UACA: variants seen among roughly 807,000 people sequenced by gnomAD.
UACA encodes nuclear membrane binding protein.
UACA carries 112 observed loss-of-function variants against 160.5 expected under a neutral mutation model. The ratio of observed to expected loss-of-function variants is 0.70; its 90% CI spans 0.60 to 0.82. The LOEUF (loss-of-function observed/expected upper bound fraction) is 0.82, where lower values mean the gene tolerates loss of function less well. Ranked by LOEUF, UACA falls within the 40% of genes least tolerant of loss-of-function variation. The pLI is 0.00. For synonymous variants in UACA, 557 were observed against 568.4 expected, an observed-to-expected ratio of 0.98 and a Z score of 0.29; for missense variants, 1,574 against 1,614.6, an observed-to-expected ratio of 0.97 and a Z score of 0.43.
At chr15:70,741,475 T>C (rs1457152695) in intron 1 of UACA, among the ~76,000 whole-genome samples, 1 of 152,178 alleles carries the variant, frequency 6.6e-6, no homozygotes, top group Non-Finnish European at 1.5e-5. Context: ...ACAACTGGGA[T>C]ACTTGCCAAA....
At chr15:70,682,028 C>G (rs1897526377) in intron 9 of UACA, 1 of 152,162 alleles carries the variant, frequency 6.6e-6, no homozygotes, top group Non-Finnish European at 1.5e-5. Flanking sequence ...AAGCTGAAAG[C>G]CTGGAAGGGA....
the UACA span, among the ~76,000 whole-genome samples, chr15:70,768,759 CTT>C: frequency 2.6e-5 from 4 of 152,294 alleles, no homozygotes; most frequent in African/African-American, 7.2e-5. Context: ...AGCCGAAAAA[CTT>C]TCAAAACTTC....
the UACA span, among the ~76,000 whole-genome samples, chr15:70,773,367 A>C: frequency 2.0e-5 from 3 of 152,362 alleles, no homozygotes; most frequent in East Asian, 5.8e-4. Flanking sequence ...GTTCTGAAGG[A>C]GAGCAGAGAA....
chr15:70,686,577 G>A lies in UACA; in HGVS notation c.602+963C>T, dbSNP rs527306662. Among the ~76,000 whole-genome samples, 11 of 149,384 alleles carry A rather than the reference G, an allele frequency of 7.4e-5. No individual in the cohort carries two copies. The South Asian group carries it at 1.7e-3, about 23-fold the overall frequency. ...TACATATGTATACATGCATCATGCT[G>A]GTGTGCTGCACCCATTAACTCGTCA... On this transcript the variant is annotated intron_variant, in intron 7 of 18. Coordinates refer to ENST00000322954, the MANE Select transcript of UACA (RefSeq NM_018003.4).
intron 7 of UACA, among the ~76,000 whole-genome samples, chr15:70,686,264 AT>A (rs1379962799): frequency 6.6e-6 from 1 of 151,800 alleles, no homozygotes; most frequent in Non-Finnish European, 1.5e-5. Context: ...GGTTTTATAC[AT>A]TTTAGGGAGA....
the UACA span, among the ~76,000 whole-genome samples, chr15:70,770,284 C>T: frequency 1.4e-3 from 219 of 152,178 alleles, no homozygotes; most frequent in African/African-American, 5.0e-3. Flanking sequence ...TTGGCAGAAA[C>T]GTTTAAATTA....
At chr15:70,747,097 T>C (rs1899729317) in intron 1 of UACA, among the ~76,000 whole-genome samples, 1 of 152,180 alleles carries the variant, frequency 6.6e-6, no homozygotes, top group Non-Finnish European at 1.5e-5. Context: ...CTGTACGTTC[T>C]GCACATGTAT....
chr15:70,668,481 T>G lies in UACA; in HGVS notation c.2203A>C (p.Asn735His). 6.2e-7 allele frequency: 1 copy of G among 1,612,476 alleles called. No individual in the cohort carries two copies. Among genetic ancestry groups the G allele is most frequent in the Non-Finnish European group, 8.5e-7 (1 of 1,179,880 alleles). Residue 735 changes from asparagine (N) to histidine (H), a missense_variant, in exon 16 of 19, where the codon AAC becomes CAC. Coordinates refer to ENST00000322954, the MANE Select transcript of UACA (RefSeq NM_018003.4). Reference sequence around the variant, plus strand: ...TGATTTTTCATTTCAATTGTTAAGTTATGTGCTTGCTCCTTGAGGAGCTTA... The same window carrying G: ...TGATTTTTCATTTCAATTGTTAAGTGATGTGCTTGCTCCTTGAGGAGCTTA... ...DNKLLKEQAH[N>H]LTIEMKNHYV...
At chr15:70,678,230 TGC>T (rs1381156981) in intron 10 of UACA, 24 bp from the exon 11 acceptor site, 1 of 1,560,826 alleles carries the variant, frequency 6.4e-7, no homozygotes. Flanking sequence ...GACAACAAGG[TGC>T]CAGGCCAATC....
rs779052323 is a variant in UACA at position 70,667,380 on chromosome 15, C to T, written c.3304G>A (p.Ala1102Thr). 3.0e-5 allele frequency: 49 copies of T among 1,612,570 alleles called. No individual in the cohort carries two copies. Among genetic ancestry groups the T allele is most frequent in the Admixed American group, 5.0e-5 (3 of 59,940 alleles). Residue 1102 changes from alanine to threonine, a missense_variant, in exon 16 of 19, where the codon GCA (alanine) becomes ACA (threonine). Ala to Thr is a moderately conservative substitution (Grantham distance 58, BLOSUM62 0). Coordinates refer to ENST00000322954, the MANE Select transcript of UACA (RefSeq NM_018003.4). The part of the protein sequence containing the change: ...ENAKQTSEIL[A>T]VQNLLQKQHV... ...TGTTTTTGCAAAAGATTTTGCACTGCAAGTATCTCAGAAGTCTGTTTGGCA... is the reference window on the plus strand; with the variant it reads ...TGTTTTTGCAAAAGATTTTGCACTGTAAGTATCTCAGAAGTCTGTTTGGCA...
chr15:70,687,201 T>C (rs2140943043), intron 7 of UACA, among the ~76,000 whole-genome samples: 1 of 152,370 alleles, frequency 6.6e-6, no homozygotes, highest in South Asian at 2.1e-4. Context: ...TTCTCCTATG[T>C]ATCTTACTTG....
At chr15:70,723,694 G>A (rs1211104495) in intron 1 of UACA, among the ~76,000 whole-genome samples, 7 of 150,288 alleles carry the variant, frequency 4.7e-5, no homozygotes, top group South Asian at 2.1e-4. Context: ...GTCCAGTGGC[G>A]TGATCTCGGC....
chr15:70,691,058 G>A (rs1207228559), intron 4 of UACA, among the ~76,000 whole-genome samples: 1 of 152,138 alleles, frequency 6.6e-6, no homozygotes, highest in Non-Finnish European at 1.5e-5. Flanking sequence ...CTTCAGCTAT[G>A]TCAACAGGAA....
At chr15:70,660,116 G>A in intron 18 of UACA, 35 bp downstream of exon 18, 1 of 1,543,792 alleles carries the variant, frequency 6.5e-7, no homozygotes, top group Non-Finnish European at 8.9e-7. Context: ...TATCTCTAAA[G>A]CAATATTCTT....
intron 1 of UACA, among the ~76,000 whole-genome samples, chr15:70,712,411 T>C (rs1458772036): frequency 6.6e-6 from 1 of 152,136 alleles, no homozygotes; most frequent in Admixed American, 6.5e-5. Flanking sequence ...AATGGTTTGT[T>C]CTCGTTCATT....
upstream of UACA, among the ~76,000 whole-genome samples, chr15:70,765,763 A>T (rs147831439): frequency 1.5e-3 from 231 of 152,360 alleles, 1 homozygote; most frequent in Non-Finnish European, 2.9e-3. Context: ...GTGAACACAG[A>T]TGGAATGATC....
At chr15:70,693,393 T>A (rs982976135) in intron 3 of UACA, among the ~76,000 whole-genome samples, 3 of 152,174 alleles carry the variant, frequency 2.0e-5, no homozygotes, top group Non-Finnish European at 2.9e-5. Context: ...TCTGGTCATT[T>A]TAAATACACT....
At chr15:70,728,621 A>G (rs182592459) in intron 1 of UACA, among the ~76,000 whole-genome samples, 1 of 152,068 alleles carries the variant, frequency 6.6e-6, no homozygotes, top group Admixed American at 6.5e-5. Flanking sequence ...AGCATTCTGG[A>G]AATCAGCCTC....
chr15:70,763,697 T>C, upstream of UACA: 2 of 389,780 alleles, frequency 5.1e-6, no homozygotes, highest in Middle Eastern at 7.6e-4. Flanking sequence ...CTCTCCCAGC[T>C]GGAGGAAAAG....
Sources: allele counts gnomAD v4.1 joint callset (sites outside exome capture counted in the v4.1 genomes callset), GRCh38; gene constraint gnomAD v4.1.1; transcripts MANE v1.5; gene names NCBI Gene and HGNC (gene_info 2026-07-23, HGNC 2026-07-21).